Variants in TMEM131 observed in about 807,000 individuals in gnomAD.
The protein encoded by TMEM131 is 2610524E03Rik.
Under a neutral mutation model 211.6 loss-of-function variants are expected in TMEM131, and 66 were observed. The observed-to-expected ratio is 0.31, with a 90% CI of 0.26 to 0.38. The LOEUF is 0.38. TMEM131 is among the 10% of genes least tolerant of loss of function. The probability of loss-of-function intolerance (pLI) is 1.00; values close to 1 mark genes in which losing one functional copy is unlikely to be tolerated. For missense variants in TMEM131, 2,036 were observed against 2,299.3 expected (o/e 0.89, Z 2.34); for synonymous variants, 844 against 841.3 (o/e 1.00, Z -0.06).
chr2:97,943,049 G>GAAAAGAAAAGAAAAGA (rs1225095593), intron 1 of TMEM131, among the ~76,000 whole-genome samples: 2 of 53,512 alleles, frequency 3.7e-5, no homozygotes, highest in Admixed American at 4.0e-4. Context: ...AAGAAAGAAA[G>GAAAAGAAAAGAAAAGA]AAAGAAAGAA....
chr2:97,841,563 C>T (rs1683195520), intron 7 of TMEM131, among the ~76,000 whole-genome samples: 1 of 152,174 alleles, frequency 6.6e-6, no homozygotes, highest in Non-Finnish European at 1.5e-5. Context: ...AACTATAACA[C>T]CAGAGAAGAC....
At chr2:97,973,668 A>C (rs2104612330) in intron 1 of TMEM131, among the ~76,000 whole-genome samples, 1 of 152,350 alleles carries the variant, frequency 6.6e-6, no homozygotes, top group Middle Eastern at 3.4e-3. Flanking sequence ...AACCATCCAA[A>C]AGGATTAGAG....
chr2:97,805,447 G>T lies in TMEM131; in HGVS notation c.2213C>A (p.Ala738Glu). The T allele has an allele frequency of 1.2e-6, 2 of 1,613,934 alleles. No individual in the cohort carries two copies. Among genetic ancestry groups the T allele is most frequent in the Non-Finnish European group, 1.7e-6 (2 of 1,179,860 alleles). ...DLEPGKKSKIANIYFDPGLQC... is the reference protein window; with the variant it reads ...DLEPGKKSKIENIYFDPGLQC... The stretch of plus-strand genomic sequence containing the variant: ...TAGTCCAGGATCAAAATAAATGTTT[G>T]CAATCTATAAAGAGGCACAGGAGAA... The change falls in exon 21 of 41, where the codon GCA (alanine) becomes GAA (glutamate). Residue 738 changes from alanine (A) to glutamate (E), a missense_variant. Ala to Glu is a moderately radical substitution (Grantham distance 107). This residue lies in a region of TMEM131 where 1,623 missense variants were observed against 1,805.9 expected (regional missense o/e 0.90). Coordinates refer to ENST00000186436, the MANE Select transcript of TMEM131 (RefSeq NM_015348.2).
chr2:97,933,161 C>A (rs2104462220), intron 1 of TMEM131, among the ~76,000 whole-genome samples: 1 of 152,208 alleles, frequency 6.6e-6, no homozygotes, highest in South Asian at 2.1e-4. Flanking sequence ...GGCCTAACAC[C>A]ACTTAGGATG....
intron 5 of TMEM131, among the ~76,000 whole-genome samples, chr2:97,858,757 G>C (rs1673946750): frequency 6.6e-6 from 1 of 152,192 alleles, no homozygotes; most frequent in African/African-American, 2.4e-5. Context: ...CACTGACCAA[G>C]AGCCAGCAGC....
At chr2:97,962,368 G>A (rs1678857509) in intron 1 of TMEM131, among the ~76,000 whole-genome samples, 1 of 152,128 alleles carries the variant, frequency 6.6e-6, no homozygotes, top group Admixed American at 6.5e-5. Flanking sequence ...GCCGGGCGTG[G>A]TGGCGGGTGT....
chr2:97,936,253 TG>T (rs554041183), intron 1 of TMEM131, among the ~76,000 whole-genome samples: 112 of 152,330 alleles, frequency 7.4e-4, no homozygotes, highest in African/African-American at 2.2e-3. Flanking sequence ...AAGGAAAAGT[TG>T]GGAATAAGAT....
At chr2:97,825,396 G>C (rs546855125) in intron 11 of TMEM131, among the ~76,000 whole-genome samples, 1 of 152,330 alleles carries the variant, frequency 6.6e-6, no homozygotes, top group Non-Finnish European at 1.5e-5. Flanking sequence ...AGTGCCCTCA[G>C]CAAGGAATGA....
intron 31 of TMEM131, among the ~76,000 whole-genome samples, chr2:97,791,997 C>T (rs916143547): frequency 1.3e-5 from 2 of 152,168 alleles, no homozygotes; most frequent in Non-Finnish European, 2.9e-5. Context: ...TGTAGTCTGC[C>T]AACCCCTGCT....
chr2:97,967,834 A>G (rs1293000242), intron 1 of TMEM131, among the ~76,000 whole-genome samples: 1 of 151,720 alleles, frequency 6.6e-6, no homozygotes, highest in African/African-American at 2.4e-5. Flanking sequence ...TTATCATACC[A>G]TGTTGTCTTC....
chr2:97,804,114 C>G (rs1681168463), intron 22 of TMEM131, among the ~76,000 whole-genome samples: 1 of 152,174 alleles, frequency 6.6e-6, no homozygotes, highest in Non-Finnish European at 1.5e-5. Context: ...CTGATACTAA[C>G]AAATATATTT....
chr2:97,808,386 G>T (rs1314222263), intron 19 of TMEM131, among the ~76,000 whole-genome samples: 1 of 152,124 alleles, frequency 6.6e-6, no homozygotes, highest in Admixed American at 6.6e-5. Flanking sequence ...TTTTACATCT[G>T]CCCTGGTATT....
intron 2 of TMEM131, 122 bp from the exon 3 acceptor site, chr2:97,908,820 A>G (rs1676179024): frequency 1.3e-6 from 1 of 760,502 alleles, no homozygotes; most frequent in African/African-American, 1.8e-5. Context: ...TTTGGATTTT[A>G]AGGTTAAACC....
At chr2:97,853,433 A>C (rs1468308664) in intron 5 of TMEM131, among the ~76,000 whole-genome samples, 1 of 16,226 alleles carries the variant, frequency 6.2e-5, no homozygotes, top group African/African-American at 2.9e-4. Flanking sequence ...CATCTCTACT[A>C]AAAAAAAAAA....
At chr2:97,969,685 C>CA (rs1484341095) in intron 1 of TMEM131, among the ~76,000 whole-genome samples, 1 of 152,150 alleles carries the variant, frequency 6.6e-6, no homozygotes, top group Non-Finnish European at 1.5e-5. Context: ...TCACTGTACA[C>CA]AAACTGCTCA....
At chr2:97,945,412 C>G (rs905868206) in intron 1 of TMEM131, among the ~76,000 whole-genome samples, 4 of 152,066 alleles carry the variant, frequency 2.6e-5, no homozygotes, top group Admixed American at 1.3e-4. Flanking sequence ...ACTTCAAAAA[C>G]CCACTGAATT....
intron 1 of TMEM131, among the ~76,000 whole-genome samples, chr2:97,938,844 C>A (rs1677574915): frequency 6.6e-6 from 1 of 152,198 alleles, no homozygotes; most frequent in Non-Finnish European, 1.5e-5. Context: ...GACCATGGTG[C>A]AATCAAACTA....
chr2:97,837,556 G>A (rs1682994967), intron 7 of TMEM131, among the ~76,000 whole-genome samples: 1 of 152,140 alleles, frequency 6.6e-6, no homozygotes, highest in East Asian at 1.9e-4. Context: ...TATAACAAGA[G>A]CCAGCAGTGG....
intron 12 of TMEM131, among the ~76,000 whole-genome samples, chr2:97,817,178 G>C (rs187321984): frequency 6.6e-6 from 1 of 152,292 alleles, no homozygotes; most frequent in Admixed American, 6.5e-5. Flanking sequence ...AAGATTAAGT[G>C]GGTGGTCAAT....
Sources: allele counts gnomAD v4.1 joint callset (sites outside exome capture counted in the v4.1 genomes callset), GRCh38; gene constraint gnomAD v4.1.1; regional missense constraint gnomAD v4.1.1; transcripts MANE v1.5; gene names NCBI Gene and HGNC (gene_info 2026-07-23, HGNC 2026-07-21).